The following GRIK4 variants were observed in gnomAD, a reference collection of about 807,000 sequenced individuals.
GRIK4 encodes glutamate receptor ionotropic, kainate 4.
In GRIK4, 40 loss-of-function variants were observed where a neutral mutation model predicts 104.9. The observed-to-expected ratio is 0.38, with a 90% CI of 0.30 to 0.50. The LOEUF is 0.50. Among genes scored for constraint, GRIK4 ranks in the 20% least tolerant of loss-of-function variants. GRIK4 has a pLI of 0.93. For synonymous variants in GRIK4, 485 were observed against 524.9 expected (o/e 0.92, Z 1.04); for missense variants, 1,047 against 1,308.1 (o/e 0.80, Z 3.08).
rs1298777717 is a variant in GRIK4 at position 120,513,618 on chromosome 11, CA to C, written c.-159+1732del. Reference sequence around the variant, plus strand: ...GAGTTAATCTAATATGCACACATTACAGTGTCTGGGTTTGTTTAATTTTCCA... The same window carrying C: ...GAGTTAATCTAATATGCACACATTACGTGTCTGGGTTTGTTTAATTTTCCA... On this transcript the variant is annotated intron_variant, in intron 1 of 20. Transcript: ENST00000527524. The surrounding 1 kb of genome is among the most constrained non-coding windows in gnomAD (Gnocchi z 4.5). 6.6e-6 allele frequency among the ~76,000 whole-genome samples: 1 copy of C among 152,202 alleles called. No homozygotes were observed. Among genetic ancestry groups the C allele is most frequent in the Admixed American group, 6.5e-5 (1 of 15,292 alleles).
At chr11:120,599,960 G>A (rs1167955945) in intron 1 of GRIK4, among the ~76,000 whole-genome samples, 1 of 152,230 alleles carries the variant, frequency 6.6e-6, no homozygotes, top group Non-Finnish European at 1.5e-5. Context: ...ATTAGAGGCT[G>A]GTTTTAGGTT....
intron 1 of GRIK4, among the ~76,000 whole-genome samples, chr11:120,546,196 C>T (rs1948084017): frequency 6.6e-6 from 1 of 152,194 alleles, no homozygotes; most frequent in Non-Finnish European, 1.5e-5. Flanking sequence ...ACCCTCCTTG[C>T]AAACCAGCCC....
At chr11:120,760,051 T>G (rs534457983) in intron 3 of GRIK4, among the ~76,000 whole-genome samples, 1 of 152,104 alleles carries the variant, frequency 6.6e-6, no homozygotes, top group East Asian at 1.9e-4. Flanking sequence ...AAGTAGATTT[T>G]AATCCTCACA....
chr11:120,783,371 G>T (rs17124343), intron 3 of GRIK4, among the ~76,000 whole-genome samples: 1 of 151,876 alleles, frequency 6.6e-6, no homozygotes, highest in Non-Finnish European at 1.5e-5. Flanking sequence ...CTGTATTTCT[G>T]TTCTCCCCCT....
chr11:120,863,487 A>G (rs1954314641), intron 9 of GRIK4, among the ~76,000 whole-genome samples: 1 of 152,216 alleles, frequency 6.6e-6, no homozygotes, highest in Admixed American at 6.5e-5. Flanking sequence ...ATGTGTCCCC[A>G]TTGTTAAGCA....
At chr11:120,529,039 A>C (rs1947895297) in intron 1 of GRIK4, among the ~76,000 whole-genome samples, 1 of 150,858 alleles carries the variant, frequency 6.6e-6, no homozygotes, top group Non-Finnish European at 1.5e-5. Flanking sequence ...TCCTCCTTCC[A>C]CCTCCTCTCC....
chr11:120,687,530 G>GTGT (rs201130946), intron 3 of GRIK4, among the ~76,000 whole-genome samples: 1 of 152,000 alleles, frequency 6.6e-6, no homozygotes, highest in Admixed American at 6.5e-5. Flanking sequence ...TTTCTATTGT[G>GTGT]TGTTGTTGTT....
At chr11:120,832,468 G>A (rs1237070748) in intron 7 of GRIK4, among the ~76,000 whole-genome samples, 6 of 152,174 alleles carry the variant, frequency 3.9e-5, no homozygotes, top group Admixed American at 1.3e-4. Context: ...GTCCTGACAC[G>A]GTGCACAACA....
chr11:120,786,348 T>C (rs908382442), intron 3 of GRIK4, among the ~76,000 whole-genome samples: 3 of 152,174 alleles, frequency 2.0e-5, no homozygotes, highest in Non-Finnish European at 4.4e-5. Context: ...ATTCCCCTGC[T>C]CCGCTCTTCT....
At chr11:120,727,940 G>A (rs575569350) in intron 3 of GRIK4, among the ~76,000 whole-genome samples, 42 of 152,128 alleles carry the variant, frequency 2.8e-4, no homozygotes, top group African/African-American at 9.9e-4. Flanking sequence ...TTGAAGATAG[G>A]CAATGAAGAT....
intron 5 of GRIK4, among the ~76,000 whole-genome samples, chr11:120,815,947 G>A (rs1353413172): frequency 2.0e-5 from 3 of 152,220 alleles, no homozygotes; most frequent in African/African-American, 4.8e-5. Flanking sequence ...GAAAGCCTCT[G>A]TCATATAAGT....
intron 3 of GRIK4, among the ~76,000 whole-genome samples, chr11:120,759,660 T>TA (rs1314662092): frequency 6.6e-6 from 1 of 152,098 alleles, no homozygotes; most frequent in Non-Finnish European, 1.5e-5. Flanking sequence ...TCTGGGTTCT[T>TA]AAAAGCAAAG....
At chr11:120,930,850 G>A (rs560934416) in intron 13 of GRIK4, among the ~76,000 whole-genome samples, 1 of 152,258 alleles carries the variant, frequency 6.6e-6, no homozygotes, top group Middle Eastern at 3.4e-3. Flanking sequence ...AGATGGGGCT[G>A]AACTTGCAGG....
chr11:120,556,439 C>T (rs1441159082), intron 1 of GRIK4, among the ~76,000 whole-genome samples: 2 of 152,296 alleles, frequency 1.3e-5, no homozygotes, highest in Non-Finnish European at 2.9e-5. Context: ...CAGATCAAGT[C>T]ATTTCGCAAG....
At chr11:120,911,702 C>T (rs375246289) in intron 13 of GRIK4, among the ~76,000 whole-genome samples, 1 of 150,394 alleles carries the variant, frequency 6.6e-6, no homozygotes, top group African/African-American at 2.4e-5. Context: ...ATTAGCCAGG[C>T]GTGGTGGTGC....
At chr11:120,830,438 G>A (rs1953393027) in intron 6 of GRIK4, among the ~76,000 whole-genome samples, 1 of 152,186 alleles carries the variant, frequency 6.6e-6, no homozygotes, top group South Asian at 2.1e-4. Context: ...TGCAATGCGA[G>A]GAGGTGGATG....
At chr11:120,722,566 C>T (rs1162708164) in intron 3 of GRIK4, among the ~76,000 whole-genome samples, 1 of 151,976 alleles carries the variant, frequency 6.6e-6, no homozygotes, top group Non-Finnish European at 1.5e-5. Context: ...TGAGATCGTG[C>T]CATTGTACTC....
chr11:120,774,391 C>T (rs2135461583), intron 3 of GRIK4, among the ~76,000 whole-genome samples: 1 of 152,242 alleles, frequency 6.6e-6, no homozygotes, highest in South Asian at 2.1e-4. Context: ...GGAATTGGCT[C>T]ACATGGTTAT....
intron 6 of GRIK4, among the ~76,000 whole-genome samples, chr11:120,827,430 A>G (rs1028214582): frequency 1.4e-5 from 2 of 140,644 alleles, no homozygotes; most frequent in African/African-American, 5.5e-5. Context: ...TCTCAGCCTT[A>G]GACTTGGCAG....
Sources: gnomAD v4.1 joint callset for allele counts (sites outside exome capture counted in the v4.1 genomes callset) on GRCh38, gnomAD v4.1.1 for gene constraint, Gnocchi (gnomAD v3.1) non-coding constraint, MANE v1.5 for transcripts, NCBI Gene and HGNC (gene_info 2026-07-23, HGNC 2026-07-21) for gene names.